The following KSR2 variants were observed in gnomAD, a reference collection of about 807,000 sequenced individuals.
KSR2 encodes the protein kinase suppressor of ras 2.
KSR2 carries 25 observed loss-of-function variants against 107.8 expected under a neutral mutation model. That is an observed-to-expected ratio of 0.23 (90% CI 0.17 to 0.32). KSR2 has a LOEUF of 0.32. KSR2 is among the 10% of genes least tolerant of loss of function. The pLI, the probability that KSR2 is intolerant of heterozygous loss-of-function variation, is 1.00. For synonymous variants in KSR2, 480 were observed against 507.0 expected (o/e 0.95, Z 0.71); for missense variants, 887 against 1,268.9 (o/e 0.70, Z 4.57).
chr12:117,548,229 A>G (rs1019617712), intron 9 of KSR2, among the ~76,000 whole-genome samples: 13 of 152,080 alleles, frequency 8.5e-5, no homozygotes, highest in African/African-American at 2.9e-4. Context: ...TTAGCTGTAC[A>G]GTTGACCCTT....
At chr12:117,793,690 CA>C (rs1294404398) in intron 3 of KSR2, among the ~76,000 whole-genome samples, 2 of 150,462 alleles carry the variant, frequency 1.3e-5, no homozygotes, top group Non-Finnish European at 3.0e-5. Context: ...CCAACATGCA[CA>C]CATACAACAT....
At chr12:117,478,923 T>C (rs1157442401) in intron 16 of KSR2, among the ~76,000 whole-genome samples, 10 of 152,224 alleles carry the variant, frequency 6.6e-5, no homozygotes, top group Non-Finnish European at 1.5e-4. Context: ...AGACTAGTGA[T>C]TTTCTAATAC....
At chr12:117,496,282 T>G (rs1873022016) in intron 14 of KSR2, among the ~76,000 whole-genome samples, 1 of 152,126 alleles carries the variant, frequency 6.6e-6, no homozygotes, top group African/African-American at 2.4e-5. Flanking sequence ...TCCAGGTCAC[T>G]CCAGGAAGAA....
chr12:117,966,053 C>G (rs1896777843), intron 1 of KSR2, among the ~76,000 whole-genome samples: 1 of 152,120 alleles, frequency 6.6e-6, no homozygotes, highest in Admixed American at 6.5e-5. Flanking sequence ...GAACTGAAAA[C>G]AGATGCATTT....
At chr12:117,474,083 G>A (rs1019827227) in intron 17 of KSR2, among the ~76,000 whole-genome samples, 3 of 152,116 alleles carry the variant, frequency 2.0e-5, no homozygotes, top group Non-Finnish European at 2.9e-5. Context: ...CCAGAGAGCC[G>A]GGTCCTTCGG....
At chr12:117,607,503 G>A (rs375313664) in intron 5 of KSR2, among the ~76,000 whole-genome samples, 8 of 152,190 alleles carry the variant, frequency 5.3e-5, no homozygotes, top group African/African-American at 1.9e-4. Flanking sequence ...CAGCGCTGGA[G>A]CTGGGAACCC....
chr12:117,740,549 C>CATATAATATATGAAT (rs1888161000), intron 4 of KSR2, among the ~76,000 whole-genome samples: 1 of 124,028 alleles, frequency 8.1e-6, no homozygotes, highest in Admixed American at 9.3e-5. Flanking sequence ...GTAATATATG[C>CATATAATATATGAAT]ATATAATATA....
rs750867080 is a variant in KSR2 at position 117,761,519 on chromosome 12, T to G, written c.478A>C (p.Asn160His). 6.2e-7 allele frequency: 1 copy of G among 1,613,424 alleles called. No individual in the cohort carries two copies. Among genetic ancestry groups the G allele is most frequent in the Non-Finnish European group, 8.5e-7 (1 of 1,179,804 alleles). The change falls in exon 4 of 20, where the codon AAC (asparagine) becomes CAC (histidine). Residue 160 changes from asparagine to histidine, a missense_variant. Transcript: ENST00000339824. ...ATGGTCCAGTCTTGTTTGGAAAGGT[T>G]GCCTCCTGAGTTGGAACAGAAGAGC... ...CLRNVHMSGGNLSKQDWTIQW... is the reference protein window; with the variant it reads ...CLRNVHMSGGHLSKQDWTIQW...
intron 3 of KSR2, among the ~76,000 whole-genome samples, chr12:117,794,702 A>G (rs927294099): frequency 7.9e-5 from 12 of 151,932 alleles, no homozygotes; most frequent in African/African-American, 2.7e-4. Context: ...CACACACACC[A>G]ACATGCACAC....
intron 1 of KSR2, among the ~76,000 whole-genome samples, chr12:117,871,721 G>A (rs1893660848): frequency 6.6e-6 from 1 of 152,066 alleles, no homozygotes; most frequent in African/African-American, 2.4e-5. Context: ...CACACAGAGA[G>A]AGAGAAAAGA....
chr12:117,846,826 G>GC (rs1566047028), intron 3 of KSR2, among the ~76,000 whole-genome samples: 2 of 152,194 alleles, frequency 1.3e-5, no homozygotes, highest in African/African-American at 4.8e-5. Context: ...CACGAGTCTG[G>GC]TGACCGCTGT....
At chr12:117,483,496 G>T (rs1872287543) in intron 16 of KSR2, among the ~76,000 whole-genome samples, 1 of 151,460 alleles carries the variant, frequency 6.6e-6, no homozygotes, top group Non-Finnish European at 1.5e-5. Flanking sequence ...TAAAATGCAG[G>T]ATTATAAAAA....
intron 14 of KSR2, among the ~76,000 whole-genome samples, chr12:117,517,262 C>A (rs1211727584): frequency 6.6e-6 from 1 of 152,198 alleles, no homozygotes; most frequent in African/African-American, 2.4e-5. Context: ...GCTACCATTA[C>A]CCTGACCAAT....
chr12:117,495,481 A>G (rs574668539), intron 14 of KSR2, among the ~76,000 whole-genome samples: 1 of 152,226 alleles, frequency 6.6e-6, no homozygotes, highest in Admixed American at 6.5e-5. Flanking sequence ...CAGGAAATGA[A>G]GAGTTATAGA....
At chr12:117,954,904 C>G (rs915875226) in intron 1 of KSR2, among the ~76,000 whole-genome samples, 1 of 151,738 alleles carries the variant, frequency 6.6e-6, no homozygotes, top group African/African-American at 2.4e-5. Context: ...GTAATCCCAG[C>G]TACTGGGGAG....
At chr12:117,923,879 CTT>C (rs547713240) in intron 1 of KSR2, among the ~76,000 whole-genome samples, 51 of 135,328 alleles carry the variant, frequency 3.8e-4, no homozygotes, top group Non-Finnish European at 3.5e-4. Context: ...TATATATTTG[CTT>C]TTTTTTTTTT....
chr12:117,956,863 T>C (rs1244822956), intron 1 of KSR2, among the ~76,000 whole-genome samples: 2 of 152,230 alleles, frequency 1.3e-5, no homozygotes, highest in Non-Finnish European at 2.9e-5. Context: ...TTTCCGTTGG[T>C]CAATGGCCAC....
Position 117,968,566 on chromosome 12 carries a change from G to A in KSR2, c.-311C>T. On this transcript the variant is annotated 5_prime_UTR_variant, in exon 1 of 20. Coordinates refer to ENST00000339824, the MANE Select transcript of KSR2 (RefSeq NM_173598.6). Reference sequence around the variant, plus strand: ...GAAGCAAACCAGGTGATGTGATGCTGTCTGTACACTTAGGGAGGAGGAGGA... The same window carrying A: ...GAAGCAAACCAGGTGATGTGATGCTATCTGTACACTTAGGGAGGAGGAGGA... 1.1e-6 allele frequency: 1 copy of A among 904,818 alleles called. No individual in the cohort carries two copies. The highest frequency in any genetic ancestry group is 1.7e-5 in the African/African-American group (1 of 57,854). The allele number at this position is 904,818 out of a possible 1,614,324, so 56.0% of individuals were successfully genotyped here. A position where few individuals can be genotyped will look rare whatever the true frequency, so the allele number is the denominator to read the frequency against.
intron 3 of KSR2, among the ~76,000 whole-genome samples, chr12:117,837,353 T>C (rs1290987700): frequency 6.6e-6 from 1 of 152,194 alleles, no homozygotes; most frequent in African/African-American, 2.4e-5. Context: ...TTACTATGCA[T>C]CTTGTGCACC....
Sources: allele counts gnomAD v4.1 joint callset (sites outside exome capture counted in the v4.1 genomes callset), GRCh38; gene constraint gnomAD v4.1.1; transcripts MANE v1.5; gene names NCBI Gene and HGNC (gene_info 2026-07-23, HGNC 2026-07-21).